The following BORCS5 variants were observed in gnomAD, a reference collection of about 807,000 sequenced individuals.
BORCS5 encodes the protein BLOC-1 related complex subunit 5.
Under a neutral mutation model 22.1 loss-of-function variants are expected in BORCS5, and 17 were observed. The ratio of observed to expected loss-of-function variants is 0.77; its 90% confidence interval spans 0.53 to 1.15. BORCS5 has a LOEUF of 1.15. Ranked by LOEUF, BORCS5 falls within the 50% of genes most tolerant of loss-of-function variation. BORCS5 has a pLI of 0.00. For synonymous variants in BORCS5, 117 were observed against 99.8 expected, an observed-to-expected ratio of 1.17 and a Z score of -1.03; for missense variants, 247 against 253.2, an observed-to-expected ratio of 0.98 and a Z score of 0.17.
At chr12:12,404,595 A>C (rs1229357113) in intron 2 of BORCS5, among the ~76,000 whole-genome samples, 2 of 152,228 alleles carry the variant, frequency 1.3e-5, no homozygotes, top group African/African-American at 4.8e-5. Context: ...GGACCCATTC[A>C]AACCATAGCA....
chr12:12,421,335 T>C (rs957063969), intron 2 of BORCS5, among the ~76,000 whole-genome samples: 5 of 152,202 alleles, frequency 3.3e-5, no homozygotes, highest in Non-Finnish European at 4.4e-5. Context: ...CGGTTCTGTT[T>C]ATGTGATGGA....
At chr12:12,456,750 A>C (rs1943004470) in intron 3 of BORCS5, among the ~76,000 whole-genome samples, 1 of 152,048 alleles carries the variant, frequency 6.6e-6, no homozygotes, top group Non-Finnish European at 1.5e-5. Context: ...TAATGATTTC[A>C]GTTATTACGT....
chr12:12,445,712 C>T (rs1942775321), intron 3 of BORCS5, among the ~76,000 whole-genome samples: 1 of 150,754 alleles, frequency 6.6e-6, no homozygotes, highest in Admixed American at 6.6e-5. Context: ...TAGCTCACTC[C>T]AGCCTCAAAC....
chr12:12,457,100 C>T lies in BORCS5; in HGVS notation c.361-8446C>T, dbSNP rs968309041. On this transcript the variant is annotated intron_variant, in intron 3 of 3. Transcript: ENST00000314565. ...TAGACAGAGTTTCTGTTTCAGTTCACATATATTTTATCACTTATGGAGCTC... is the reference window on the plus strand; with the variant it reads ...TAGACAGAGTTTCTGTTTCAGTTCATATATATTTTATCACTTATGGAGCTC... 2.0e-5 allele frequency among the ~76,000 whole-genome samples: 3 copies of T among 152,182 alleles called. No individual in the cohort carries two copies. The South Asian group carries it at 6.2e-4, about 32-fold the overall frequency.
At chr12:12,452,108 TAA>T (rs750815383) in intron 3 of BORCS5, 10 of 493,134 alleles carry the variant, frequency 2.0e-5, no homozygotes, top group Non-Finnish European at 3.9e-5. Context: ...AATTTTTATT[TAA>T]AAGAGGGCAG....
At chr12:12,396,510 C>A (rs1052176472) in intron 2 of BORCS5, among the ~76,000 whole-genome samples, 2 of 152,122 alleles carry the variant, frequency 1.3e-5, no homozygotes, top group African/African-American at 4.8e-5. Flanking sequence ...TGCAGTTCTC[C>A]TAACTTGTTT....
chr12:12,378,720 A>G (rs566997370), intron 2 of BORCS5, among the ~76,000 whole-genome samples: 2 of 151,360 alleles, frequency 1.3e-5, no homozygotes, highest in Admixed American at 1.3e-4. Context: ...TTAGTTGATT[A>G]TATTGTAGCA....
chr12:12,447,438 G>A (rs571185578), intron 3 of BORCS5, among the ~76,000 whole-genome samples: 3 of 152,234 alleles, frequency 2.0e-5, no homozygotes, highest in South Asian at 2.1e-4. Flanking sequence ...AAGTTGAGTC[G>A]GTGCCTCAGC....
chr12:12,413,200 T>A (rs1237180997), intron 2 of BORCS5, among the ~76,000 whole-genome samples: 3 of 72,276 alleles, frequency 4.2e-5, no homozygotes, highest in East Asian at 2.5e-4. Flanking sequence ...AGGGAAGGTC[T>A]GGTTTTCCTA....
chr12:12,436,922 C>A (rs1427906613), intron 3 of BORCS5, among the ~76,000 whole-genome samples: 1 of 152,144 alleles, frequency 6.6e-6, no homozygotes, highest in African/African-American at 2.4e-5. Flanking sequence ...ATATTATAAA[C>A]TTATTTTACT....
At chr12:12,391,141 T>C (rs1330041790) in intron 2 of BORCS5, among the ~76,000 whole-genome samples, 1 of 151,988 alleles carries the variant, frequency 6.6e-6, no homozygotes, top group Non-Finnish European at 1.5e-5. Context: ...AATTTCAAGA[T>C]AAGTCCATAA....
chr12:12,402,924 T>A (rs942832797), intron 2 of BORCS5, among the ~76,000 whole-genome samples: 3 of 152,242 alleles, frequency 2.0e-5, no homozygotes, highest in Admixed American at 1.3e-4. Context: ...AGAAAAACTT[T>A]CCACATAGTT....
In BORCS5 at chr12:12,440,605, GA is replaced by G. The variant is rs11388720; in HGVS notation, c.360+4835del. On this transcript the variant is annotated intron_variant, in intron 3 of 3. Coordinates refer to ENST00000314565, the MANE Select transcript of BORCS5 (RefSeq NM_058169.6). ...CAGACGGGGTTTAAGCTAGGTCTTT[GA>G]AAAAAAAAAAAAAACCAGGATTTGG... Among the ~76,000 whole-genome samples the G allele has an allele frequency of 2.3e-3, 323 of 139,926 alleles. 2 individuals are homozygous for G. The highest frequency in any genetic ancestry group is 7.4e-3 in the African/African-American group (282 of 37,868). 91.8% of individuals were successfully genotyped at this position (139,926 alleles called of 152,430 possible).
intron 3 of BORCS5, among the ~76,000 whole-genome samples, chr12:12,446,001 A>C (rs1016506703): frequency 5.3e-5 from 8 of 152,030 alleles, no homozygotes; most frequent in African/African-American, 1.9e-4. Context: ...TAAGAGTTCC[A>C]TCTCCCTGCC....
chr12:12,465,279 C>T (rs1943179497), intron 3 of BORCS5, among the ~76,000 whole-genome samples: 1 of 152,182 alleles, frequency 6.6e-6, no homozygotes, highest in South Asian at 2.1e-4. Context: ...ATAGAAATCT[C>T]AGGATCTCAA....
At chr12:12,358,822 C>T (rs1398791765) in intron 1 of BORCS5, among the ~76,000 whole-genome samples, 3 of 152,130 alleles carry the variant, frequency 2.0e-5, no homozygotes, top group Non-Finnish European at 2.9e-5. Context: ...AGATTTCTGG[C>T]ATGGCTTTTG....
At chr12:12,400,883 G>T (rs1164994124) in intron 2 of BORCS5, among the ~76,000 whole-genome samples, 2 of 152,050 alleles carry the variant, frequency 1.3e-5, no homozygotes, top group Non-Finnish European at 2.9e-5. Flanking sequence ...TCTTTCACTT[G>T]TTTTGACTTT....
At chr12:12,384,656 C>G (rs1437062336) in intron 2 of BORCS5, among the ~76,000 whole-genome samples, 5 of 150,912 alleles carry the variant, frequency 3.3e-5, no homozygotes, top group Non-Finnish European at 7.4e-5. Flanking sequence ...AATCTTTTTC[C>G]TGTGGTTTGT....
chr12:12,415,442 C>T (rs1327818635), intron 2 of BORCS5, among the ~76,000 whole-genome samples: 2 of 150,524 alleles, frequency 1.3e-5, no homozygotes, highest in Non-Finnish European at 3.0e-5. Flanking sequence ...CGCAGGCACT[C>T]GGCAGGCTGA....
Sources: allele counts gnomAD v4.1 joint callset (sites outside exome capture counted in the v4.1 genomes callset), GRCh38; gene constraint gnomAD v4.1.1; transcripts MANE v1.5; gene names NCBI Gene and HGNC (gene_info 2026-07-23, HGNC 2026-07-21).